The following KCNT2 variants were observed in gnomAD, a reference collection of about 807,000 sequenced individuals.
KCNT2 encodes potassium sodium-activated channel subfamily T member 2.
A neutral mutation model predicts 153.8 loss-of-function variants in KCNT2; 67 were observed. The ratio of observed to expected loss-of-function variants is 0.44; its 90% CI spans 0.36 to 0.53. The LOEUF (loss-of-function observed/expected upper bound fraction) is 0.53, where lower values mean the gene tolerates loss of function less well. Ranked by LOEUF, KCNT2 falls within the 20% of genes least tolerant of loss-of-function variation. The pLI is 0.00. For synonymous variants in KCNT2, 500 were observed against 458.8 expected (o/e 1.09, Z -1.15); for missense variants, 975 against 1,354.8 (o/e 0.72, Z 4.40).
chr1:196,573,959 G>A (rs1197688244), intron 1 of KCNT2, among the ~76,000 whole-genome samples: 1 of 151,866 alleles, frequency 6.6e-6, no homozygotes. Flanking sequence ...GGGAGAGAGA[G>A]AGAGAGAATG....
At chr1:196,406,313 G>A (rs1385994716) in intron 12 of KCNT2, among the ~76,000 whole-genome samples, 1 of 151,400 alleles carries the variant, frequency 6.6e-6, no homozygotes, top group Admixed American at 6.6e-5. Context: ...TGTAATTGAT[G>A]TCTTTAGAGA....
intron 22 of KCNT2, among the ~76,000 whole-genome samples, chr1:196,299,993 A>G (rs994392022): frequency 2.0e-5 from 3 of 152,234 alleles, no homozygotes; most frequent in Non-Finnish European, 4.4e-5. Flanking sequence ...TATGTTAAGA[A>G]AAATAAGCCA....
intron 1 of KCNT2, among the ~76,000 whole-genome samples, chr1:196,539,655 T>C (rs1656074912): frequency 6.6e-6 from 1 of 152,136 alleles, no homozygotes. Context: ...AGTCATTAAA[T>C]AATAATTGCA....
In KCNT2 at chr1:196,252,358, A is replaced by G. The variant is rs182617822; in HGVS notation, c.3211+5836T>C. 4.1e-3 allele frequency among the ~76,000 whole-genome samples: 615 copies of G among 151,838 alleles called. 3 individuals are homozygous for G. Among genetic ancestry groups the G allele is most frequent in the African/African-American group, 0.013 (556 of 41,552 alleles). ...ACATTGTAGATGTAAGAGGCCATGC[A>G]CAACACATAAACAAGAAAGGATGGT... On this transcript the variant is annotated intron_variant, in intron 26 of 27. Coordinates refer to ENST00000294725, the MANE Select transcript of KCNT2 (RefSeq NM_198503.5).
intron 14 of KCNT2, among the ~76,000 whole-genome samples, chr1:196,345,255 C>T (rs574951780): frequency 1.3e-5 from 2 of 152,118 alleles, no homozygotes; most frequent in South Asian, 4.1e-4. Context: ...AGAAAGGGAG[C>T]TAATATTTTA....
intron 8 of KCNT2, among the ~76,000 whole-genome samples, chr1:196,432,318 G>A (rs1330790093): frequency 2.0e-5 from 3 of 152,128 alleles, no homozygotes. Flanking sequence ...GCAGCACAGA[G>A]TCCCCAACTA....
intron 8 of KCNT2, among the ~76,000 whole-genome samples, chr1:196,434,409 A>AT (rs1299545372): frequency 3.9e-5 from 6 of 151,944 alleles, no homozygotes; most frequent in Admixed American, 3.9e-4. Flanking sequence ...TCAAATATAT[A>AT]TTTTCTAGAC....
intron 1 of KCNT2, among the ~76,000 whole-genome samples, chr1:196,604,306 T>C (rs1282502645): frequency 6.6e-6 from 1 of 152,166 alleles, no homozygotes; most frequent in Non-Finnish European, 1.5e-5. Flanking sequence ...CTGAGCGCTA[T>C]TTCATATTCT....
intron 8 of KCNT2, among the ~76,000 whole-genome samples, chr1:196,452,691 C>T (rs566687723): frequency 2.0e-5 from 3 of 149,258 alleles, no homozygotes; most frequent in African/African-American, 7.4e-5. Context: ...CTGGATTCTC[C>T]ATAGAAATAG....
At chr1:196,313,935 AATTC>A (rs1432175701) in intron 21 of KCNT2, among the ~76,000 whole-genome samples, 4 of 151,672 alleles carry the variant, frequency 2.6e-5, no homozygotes, top group African/African-American at 4.8e-5. Context: ...CAAAGTTATT[AATTC>A]ATTCATTCAT....
chr1:196,325,068 T>C (rs183391277), intron 19 of KCNT2, among the ~76,000 whole-genome samples: 4 of 152,186 alleles, frequency 2.6e-5, no homozygotes, highest in African/African-American at 4.8e-5. Flanking sequence ...CTAGCAAGAC[T>C]GAAGATTGAA....
chr1:196,480,984 T>C (rs547835177), intron 4 of KCNT2, among the ~76,000 whole-genome samples: 1 of 152,120 alleles, frequency 6.6e-6, no homozygotes, highest in Non-Finnish European at 1.5e-5. Flanking sequence ...TAAAACAATT[T>C]ATTTTAAATG....
At chr1:196,502,636 A>G (rs1209241059) in intron 1 of KCNT2, among the ~76,000 whole-genome samples, 17 of 152,164 alleles carry the variant, frequency 1.1e-4, no homozygotes, top group Admixed American at 1.1e-3. Context: ...CACAACCTGC[A>G]GGTAACTGGA....
chr1:196,503,311 A>G (rs1056843640), intron 1 of KCNT2, among the ~76,000 whole-genome samples: 1 of 152,190 alleles, frequency 6.6e-6, no homozygotes, highest in Non-Finnish European at 1.5e-5. Flanking sequence ...TATGTAAACA[A>G]ACATACACAT....
intron 1 of KCNT2, among the ~76,000 whole-genome samples, chr1:196,559,982 T>C (rs1021010893): frequency 6.6e-6 from 1 of 151,908 alleles, no homozygotes; most frequent in Non-Finnish European, 1.5e-5. Context: ...AGGAAGGTTT[T>C]CTCCATTCAG....
intron 13 of KCNT2, among the ~76,000 whole-genome samples, chr1:196,379,009 A>G (rs2148357630): frequency 6.6e-6 from 1 of 151,344 alleles, no homozygotes; most frequent in Non-Finnish European, 1.5e-5. Flanking sequence ...GAAATTACAT[A>G]TCTCAGTTTC....
intron 1 of KCNT2, among the ~76,000 whole-genome samples, chr1:196,507,269 CA>C (rs1681223219): frequency 6.6e-6 from 1 of 152,076 alleles, no homozygotes; most frequent in African/African-American, 2.4e-5. Flanking sequence ...GAGAAAAATT[CA>C]CCATCAGTTC....
intron 1 of KCNT2, among the ~76,000 whole-genome samples, chr1:196,523,615 C>T (rs1016979984): frequency 1.3e-5 from 2 of 152,138 alleles, no homozygotes; most frequent in South Asian, 2.1e-4. Context: ...TTGTTGAGTC[C>T]AGAAAGAAAG....
chr1:196,587,754 C>T (rs1025521001), intron 1 of KCNT2, among the ~76,000 whole-genome samples: 21 of 151,728 alleles, frequency 1.4e-4, no homozygotes, highest in Admixed American at 1.3e-3. Flanking sequence ...AGTATGTAAC[C>T]CAAACTCTTT....
Sources: gnomAD v4.1 joint callset for allele counts (sites outside exome capture counted in the v4.1 genomes callset) on GRCh38, gnomAD v4.1.1 for gene constraint, MANE v1.5 for transcripts, NCBI Gene and HGNC (gene_info 2026-07-23, HGNC 2026-07-21) for gene names.